HMX1: variants seen among roughly 807,000 people sequenced by gnomAD.
HMX1 encodes homeobox protein HMX1.
HMX1 carries 8 observed loss-of-function variants against 8.9 expected under a neutral mutation model. The observed-to-expected ratio is 0.90, with a 90% CI of 0.53 to 1.63. The LOEUF (loss-of-function observed/expected upper bound fraction) is 1.63, where lower values mean the gene tolerates loss of function less well. Among genes scored for constraint, HMX1 ranks in the 40% most tolerant of loss-of-function variants. HMX1 has a pLI of 0.00. For missense variants in HMX1, 621 were observed against 558.5 expected (o/e 1.11, Z -1.13); for synonymous variants, 311 against 283.4 (o/e 1.10, Z -0.98).
intron 1 of HMX1, among the ~76,000 whole-genome samples, chr4:8,851,651 G>C (rs971836322): frequency 6.6e-6 from 1 of 152,214 alleles, no homozygotes; most frequent in East Asian, 1.9e-4. Flanking sequence ...GAGGAGGCCT[G>C]GGACCCACGG....
Position 8,871,247 on chromosome 4 carries a change from C to T in HMX1, c.368G>A (p.Gly123Asp). 1 of 1,487,368 alleles carries T rather than the reference C, an allele frequency of 6.7e-7. No homozygotes were observed. Among genetic ancestry groups the T allele is most frequent in the Non-Finnish European group, 8.9e-7 (1 of 1,125,510 alleles). 92.1% of individuals were successfully genotyped at this position (1,487,368 alleles called of 1,614,324 possible). Residue 123 changes from glycine to aspartate, a missense_variant, in exon 1 of 2, where the codon GGC (glycine) becomes GAC (aspartate). By Grantham distance (94) the Gly-to-Asp change is moderately conservative. Coordinates refer to ENST00000400677, the MANE Select transcript of HMX1 (RefSeq NM_018942.3). This position sits in a 1 kb window ranked among gnomAD's most constrained non-coding sequence, Gnocchi z 4.8. ...GTCAGGACTGAGGCCGCCTCCATAGCCACCGTGCGCCCGTGGGTACCAGCG... is the reference window on the plus strand; with the variant it reads ...GTCAGGACTGAGGCCGCCTCCATAGTCACCGTGCGCCCGTGGGTACCAGCG... ...AARWYPRAHG[G>D]YGGGLSPDTS...
exon 2 of HMX1, chr4:8,846,118 C>T (rs1721267380): frequency 7.4e-6 from 5 of 672,350 alleles, no homozygotes; most frequent in African/African-American, 1.8e-5. Context: ...ACACTGAGTG[C>T]CCCCTGTGGG....
chr4:8,851,989 G>A (rs188595696), intron 1 of HMX1, among the ~76,000 whole-genome samples: 6 of 152,338 alleles, frequency 3.9e-5, no homozygotes, highest in Admixed American at 6.5e-5. Context: ...AACCATAAAG[G>A]GCTCAAGCTG....
chr4:8,867,962 G>A lies in HMX1; in HGVS notation c.778C>T (p.Arg260Trp), dbSNP rs1382545671. ...GCCTCCAGCTCGGCTGCCAGCTGCC[G>A]CTTCCACTTGTTGCGGCGGTTCTGG... ...WFQNRRNKWK[R>W]QLAAELEAAS... Residue 260 changes from arginine (R) to tryptophan (W), a missense_variant, in exon 2 of 2, where the codon CGG (arginine) becomes TGG (tryptophan). Transcript: ENST00000400677. The A allele has an allele frequency of 1.2e-5, 18 of 1,517,788 alleles. No homozygotes were observed. The highest frequency in any genetic ancestry group is 5.3e-6 in the Non-Finnish European group (6 of 1,136,056). The allele number at this position is 1,517,788 out of a possible 1,614,324, so 94.0% of individuals were successfully genotyped here. A position where few individuals can be genotyped will look rare whatever the true frequency, so the allele number is the denominator to read the frequency against.
intron 1 of HMX1, among the ~76,000 whole-genome samples, chr4:8,858,392 C>T (rs994323037): frequency 2.0e-5 from 3 of 152,196 alleles, no homozygotes; most frequent in African/African-American, 7.2e-5. Context: ...AAGGGAGCAG[C>T]CTCGCAATTT....
intron 1 of HMX1, among the ~76,000 whole-genome samples, chr4:8,851,039 C>T (rs1268633183): frequency 6.6e-6 from 1 of 152,270 alleles, no homozygotes; most frequent in Non-Finnish European, 1.5e-5. Context: ...ACTCTCCAGG[C>T]TTCTGGAATT....
chr4:8,869,345 C>T (rs1321550253), intron 1 of HMX1, among the ~76,000 whole-genome samples: 1 of 152,246 alleles, frequency 6.6e-6, no homozygotes. Flanking sequence ...CTGCAGGGCT[C>T]TGGAGGCTGA....
Position 8,871,048 on chromosome 4 carries a change from C to A in HMX1, c.394+173G>T, listed in dbSNP as rs549630964. On this transcript the variant is annotated intron_variant, in intron 1 of 1. Transcript: ENST00000400677. This position sits in a 1 kb window ranked among gnomAD's most constrained non-coding sequence, Gnocchi z 4.8. ...AGCTCCTGCCCCAGAGGGTGGGCCT[C>A]CAAACCAGCCCAACCAGGGGCTCCT... 7.5e-4 allele frequency among the ~76,000 whole-genome samples: 109 copies of A among 145,142 alleles called. 1 individual carries two copies. The highest frequency in any genetic ancestry group is 2.7e-3 in the African/African-American group (107 of 40,298).
At chr4:8,869,710 C>A (rs185042023) in intron 1 of HMX1, among the ~76,000 whole-genome samples, 1 of 148,998 alleles carries the variant, frequency 6.7e-6, no homozygotes, top group South Asian at 2.1e-4. Context: ...GTCCCTGCCT[C>A]CCCCCAATAC....
chr4:8,856,808 G>C lies in HMX1; in HGVS notation c.395-10484C>G, dbSNP rs546949801. Reference sequence around the variant, plus strand: ...GGGAAAATCTTTATCAAAAACTCTGGTCGGGCGCAGTGGCTCAAGCCTGTA... The same window carrying C: ...GGGAAAATCTTTATCAAAAACTCTGCTCGGGCGCAGTGGCTCAAGCCTGTA... On this transcript the variant is annotated intron_variant, in intron 1 of 1. Coordinates refer to the HMX1 transcript ENST00000506970. Among the ~76,000 whole-genome samples the C allele has an allele frequency of 3.3e-4, 51 of 152,302 alleles. No individual in the cohort carries two copies. The East Asian group carries it at 8.3e-3, about 25-fold the overall frequency.
chr4:8,870,650 C>T lies in HMX1; in HGVS notation c.394+571G>A, dbSNP rs576515755. Among the ~76,000 whole-genome samples, 8 of 152,132 alleles carry T rather than the reference C, an allele frequency of 5.3e-5. No individual in the cohort carries two copies. The South Asian group carries it at 1.0e-3, about 20-fold the overall frequency. ...TGCCATGTTAGATGGCTCCCCTCCC[C>T]GGCCCCACCCCCACAACACTGCACC... On this transcript the variant is annotated intron_variant, in intron 1 of 1. Transcript: ENST00000400677. The surrounding 1 kb of genome is among the most constrained non-coding windows in gnomAD (Gnocchi z 4.4).
chr4:8,870,669 C>G lies in HMX1; in HGVS notation c.394+552G>C, dbSNP rs921356519. ...CCTCCCCGGCCCCACCCCCACAACACTGCACCCTCTGCTCAATGCCCCCTT... is the reference window on the plus strand; with the variant it reads ...CCTCCCCGGCCCCACCCCCACAACAGTGCACCCTCTGCTCAATGCCCCCTT... On this transcript the variant is annotated intron_variant, in intron 1 of 1. Transcript: ENST00000400677. The surrounding 1 kb of genome is among the most constrained non-coding windows in gnomAD (Gnocchi z 4.4). Among the ~76,000 whole-genome samples the G allele has an allele frequency of 4.0e-5, 6 of 151,356 alleles. No individual in the cohort carries two copies. Among genetic ancestry groups the G allele is most frequent in the Non-Finnish European group, 7.4e-5 (5 of 67,804 alleles).
At chr4:8,846,951 G>T (rs1308416543) in intron 1 of HMX1, among the ~76,000 whole-genome samples, 2 of 152,118 alleles carry the variant, frequency 1.3e-5, no homozygotes, top group African/African-American at 4.8e-5. Flanking sequence ...CCACTGTCAG[G>T]CACCCCCTGA....
intron 1 of HMX1, among the ~76,000 whole-genome samples, chr4:8,859,500 C>T (rs1040389558): frequency 2.0e-5 from 3 of 152,142 alleles, no homozygotes; most frequent in Admixed American, 1.3e-4. Flanking sequence ...AGGGTACTGC[C>T]TCTCAGACCC....
downstream of HMX1, among the ~76,000 whole-genome samples, chr4:8,863,140 G>A (rs1272210426): frequency 6.6e-6 from 1 of 152,172 alleles, no homozygotes. Context: ...TGAAGCATAT[G>A]AGTGCACAGG....
rs1182757989 is a variant in HMX1 at position 8,868,303 on chromosome 4, C to G, written c.437G>C (p.Arg146Pro). The G allele has an allele frequency of 1.4e-6, 2 of 1,441,202 alleles. No homozygotes were observed. The highest frequency in any genetic ancestry group is 1.4e-5 in the South Asian group (1 of 71,062). The allele number at this position is 1,441,202 out of a possible 1,614,324, so 89.3% of individuals were successfully genotyped here. ...GCCTCGCGGCCAGGCGCCCTCCGCA[C>G]GGCCCATCTCCTCGCCCGTCTCCGG... ...DSPETGEEMG[R>P]AEGAWPRGPG... Residue 146 changes from arginine to proline, a missense_variant, in exon 2 of 2, where the codon CGT becomes CCT. By Grantham distance (103) the Arg-to-Pro change is moderately radical. Coordinates refer to ENST00000400677, the MANE Select transcript of HMX1 (RefSeq NM_018942.3). This position sits in a 1 kb window ranked among gnomAD's most constrained non-coding sequence, Gnocchi z 4.6.
At position 8,868,247 on chromosome 4, in the gene HMX1, C is replaced by G. The variant is rs1345747068; in HGVS notation, c.493G>C (p.Ala165Pro). 3.5e-6 allele frequency: 5 copies of G among 1,436,432 alleles called. No individual in the cohort carries two copies. Among genetic ancestry groups the G allele is most frequent in the Non-Finnish European group, 4.5e-6 (5 of 1,101,220 alleles). The allele number at this position is 1,436,432 out of a possible 1,614,324, so 89.0% of individuals were successfully genotyped here. A position where few individuals can be genotyped will look rare whatever the true frequency, so the allele number is the denominator to read the frequency against. ...GCCGGGCCACGCGCCGCCAGCTCCG[C>G]TGCCTCCCGCTGCACCGCTCCCGGC... ...PGPGAVQREA[A>P]ELAARGPAAG... The change falls in exon 2 of 2, where the codon GCG becomes CCG. Residue 165 changes from alanine to proline, a missense_variant. Ala to Pro is a conservative substitution (Grantham distance 27). Transcript: ENST00000400677. This position sits in a 1 kb window ranked among gnomAD's most constrained non-coding sequence, Gnocchi z 4.6.
rs1229589241 is a variant in HMX1 at position 8,867,820 on chromosome 4, G to A, written c.920C>T (p.Ala307Val). The A allele has an allele frequency of 3.3e-6, 4 of 1,226,476 alleles. No individual in the cohort carries two copies. Among genetic ancestry groups the A allele is most frequent in the Non-Finnish European group, 3.0e-6 (3 of 986,900 alleles). 76.0% of individuals were successfully genotyped at this position (1,226,476 alleles called of 1,614,324 possible). The change falls in exon 2 of 2, where the codon GCG becomes GTG. Residue 307 changes from alanine to valine, a missense_variant. Transcript: ENST00000400677. ...TGGGGGCGGCGCGGGCGCGGCGGGCGCCAGCGGGAAGGGCAGGGTGGCCGG... is the reference window on the plus strand; with the variant it reads ...TGGGGGCGGCGCGGGCGCGGCGGGCACCAGCGGGAAGGGCAGGGTGGCCGG... ...GPPATLPFPL[A>V]PAAPAPPPPL...
Position 8,867,799 on chromosome 4 carries a change from G to T in HMX1, c.941C>A (p.Pro314His). The change falls in exon 2 of 2, where the codon CCC (proline) becomes CAC (histidine). Residue 314 changes from proline (P) to histidine (H), a missense_variant. Pro to His is a moderately conservative substitution (Grantham distance 77, BLOSUM62 -2). Transcript: ENST00000400677. The stretch of plus-strand genomic sequence containing the variant: ...CCCGGAGAAGCCGAGCAGCGGTGGG[G>T]GCGGCGCGGGCGCGGCGGGCGCCAG... ...FPLAPAAPAPPPPLLGFSGAL... is the reference protein window; with the variant it reads ...FPLAPAAPAPHPPLLGFSGAL... 1 of 1,232,554 alleles carries T rather than the reference G, an allele frequency of 8.1e-7. No individual in the cohort carries two copies. Among genetic ancestry groups the T allele is most frequent in the Non-Finnish European group, 1.0e-6 (1 of 990,794 alleles). The allele number at this position is 1,232,554 out of a possible 1,614,324, so 76.4% of individuals were successfully genotyped here. A position where few individuals can be genotyped will look rare whatever the true frequency, so the allele number is the denominator to read the frequency against.
Sources: gnomAD v4.1 joint callset for allele counts (sites outside exome capture counted in the v4.1 genomes callset) on GRCh38, gnomAD v4.1.1 for gene constraint, Gnocchi (gnomAD v3.1) non-coding constraint, MANE v1.5 for transcripts, NCBI Gene and HGNC (gene_info 2026-07-23, HGNC 2026-07-21) for gene names.